Variants in AFF4 observed in about 807,000 individuals in gnomAD.
AFF4 encodes ALF transcription elongation factor 4.
Under a neutral mutation model 124.8 loss-of-function variants are expected in AFF4, and 13 were observed. The observed-to-expected ratio is 0.10, with a 90% CI of 0.07 to 0.17. The LOEUF is 0.17. Among genes scored for constraint, AFF4 ranks in the 10% least tolerant of loss-of-function variants. The pLI is 1.00. For missense variants in AFF4, 1,092 were observed against 1,403.8 expected (o/e 0.78, Z 3.55); for synonymous variants, 477 against 496.1 (o/e 0.96, Z 0.51).
intron 19 of AFF4, among the ~76,000 whole-genome samples, chr5:132,884,815 A>G (rs1760074204): frequency 1.3e-5 from 2 of 152,194 alleles, no homozygotes; most frequent in Non-Finnish European, 2.9e-5. Flanking sequence ...TGGAAATCAA[A>G]CTGTGAAAAG....
chr5:132,956,882 T>C (rs193300722), intron 1 of AFF4, among the ~76,000 whole-genome samples: 1 of 151,170 alleles, frequency 6.6e-6, no homozygotes, highest in African/African-American at 2.4e-5. Context: ...TGGCCGGGCA[T>C]GGTGGCAGGT....
chr5:132,901,746 T>TTA (rs998848134), intron 7 of AFF4, among the ~76,000 whole-genome samples: 1 of 152,224 alleles, frequency 6.6e-6, no homozygotes, highest in African/African-American at 2.4e-5. Flanking sequence ...TTTTATGACT[T>TTA]ATTAAATATA....
At chr5:132,962,804 C>CTT (rs35471619) in intron 1 of AFF4, among the ~76,000 whole-genome samples, 54 of 129,674 alleles carry the variant, frequency 4.2e-4, no homozygotes, top group Admixed American at 1.7e-3. Flanking sequence ...ATTTTTCCTT[C>CTT]TTTTTTTTTT....
chr5:132,938,269 CT>C (rs780241930), intron 1 of AFF4, among the ~76,000 whole-genome samples: 387 of 143,204 alleles, frequency 2.7e-3, no homozygotes, highest in Middle Eastern at 3.6e-3. Context: ...GTATTATACT[CT>C]TTTTTTTTTT....
chr5:132,899,548 CTATAT>C (rs1561486399), intron 8 of AFF4, 34 bp downstream of exon 8: 3 of 1,519,640 alleles, frequency 2.0e-6, no homozygotes, highest in Non-Finnish European at 2.7e-6. Context: ...AATGAAAATA[CTATAT>C]GAGACTGGCA....
At chr5:132,887,806 T>C in intron 16 of AFF4, 40 bp downstream of exon 16, 1 of 1,607,532 alleles carries the variant, frequency 6.2e-7, no homozygotes, top group Non-Finnish European at 8.5e-7. Context: ...ACCAGAGAAA[T>C]AATGTTATTG....
chr5:132,953,958 C>T (rs1363362321), intron 1 of AFF4, among the ~76,000 whole-genome samples: 2 of 152,136 alleles, frequency 1.3e-5, no homozygotes, highest in Non-Finnish European at 2.9e-5. Flanking sequence ...ATAAGCTTTC[C>T]GTTTACTTTA....
intron 18 of AFF4, 114 bp from the exon 19 acceptor site, chr5:132,885,233 T>A: frequency 1.5e-6 from 1 of 671,098 alleles, no homozygotes; most frequent in Non-Finnish European, 2.4e-6. Context: ...CTGTAAATAT[T>A]TAAGACACCA....
intron 5 of AFF4, among the ~76,000 whole-genome samples, chr5:132,914,970 C>CT (rs1760874472): frequency 6.6e-6 from 1 of 152,256 alleles, no homozygotes; most frequent in East Asian, 1.9e-4. Context: ...CTAAAGAAGT[C>CT]TAATTTTTGC....
intron 5 of AFF4, among the ~76,000 whole-genome samples, chr5:132,916,708 C>CAGCAA (rs1355165122): frequency 1.3e-5 from 2 of 152,090 alleles, no homozygotes; most frequent in African/African-American, 4.8e-5. Flanking sequence ...CTGTTATTGA[C>CAGCAA]TTGCTGTGTG....
At chr5:132,921,273 CT>C (rs1761038215) in intron 5 of AFF4, among the ~76,000 whole-genome samples, 1 of 152,108 alleles carries the variant, frequency 6.6e-6, no homozygotes. Context: ...TCAAGATACT[CT>C]GTCTCTAGAG....
At position 132,963,537 on chromosome 5, in the gene AFF4, C is replaced by G. The variant is rs897525457; in HGVS notation, c.-283G>C. 1.5e-5 allele frequency: 6 copies of G among 397,984 alleles called. No individual in the cohort carries two copies. The highest frequency in any genetic ancestry group is 1.0e-4 in the African/African-American group (5 of 48,562). The allele number at this position is 397,984 out of a possible 1,614,324, so 24.7% of individuals were successfully genotyped here. A position where few individuals can be genotyped will look rare whatever the true frequency, so the allele number is the denominator to read the frequency against. On this transcript the variant is annotated 5_prime_UTR_variant, in exon 1 of 21. Coordinates refer to ENST00000265343, the MANE Select transcript of AFF4 (RefSeq NM_014423.4). Reference sequence around the variant, plus strand: ...GGGCTGGGACAGCTGACTGAGGCGGCGGGGGCGGGTTAACGAAGACCTGGC... The same window carrying G: ...GGGCTGGGACAGCTGACTGAGGCGGGGGGGGCGGGTTAACGAAGACCTGGC...
intron 6 of AFF4, among the ~76,000 whole-genome samples, chr5:132,903,384 T>TC (rs1451450767): frequency 6.6e-6 from 1 of 152,190 alleles, no homozygotes; most frequent in Non-Finnish European, 1.5e-5. Context: ...ATCAAAAAGT[T>TC]CCACATTTTC....
chr5:132,933,112 T>A (rs1761337765), intron 3 of AFF4, among the ~76,000 whole-genome samples: 1 of 152,170 alleles, frequency 6.6e-6, no homozygotes, highest in Non-Finnish European at 1.5e-5. Flanking sequence ...AAGATAAAAT[T>A]TGGGGCCAGG....
At chr5:132,948,935 TA>T (rs1761764636) in intron 1 of AFF4, among the ~76,000 whole-genome samples, 1 of 152,152 alleles carries the variant, frequency 6.6e-6, no homozygotes, top group Non-Finnish European at 1.5e-5. Flanking sequence ...TGTGTGTACT[TA>T]ACCTAAACTG....
rs1761381810 is a variant in AFF4, at chr5:132,934,610, T to C, written c.455A>G (p.Asp152Gly). ...SGTNSSGQRH[D>G]RESYNNSGSS... ...CCCACTATTGTTATATGACTCACGG[T>C]CGTGCCTCTGACCACTACTGTTAGT... Residue 152 changes from aspartate (D) to glycine (G), a missense_variant, in exon 3 of 21, where the codon GAC becomes GGC. Physicochemically the swap from Asp to Gly is moderately conservative, Grantham distance 94. This residue lies in a region of AFF4 where 188 missense variants were observed against 203.0 expected (regional missense o/e 0.93). Coordinates refer to ENST00000265343, the MANE Select transcript of AFF4 (RefSeq NM_014423.4). The C allele has an allele frequency of 3.1e-6, 5 of 1,614,150 alleles. No homozygotes were observed. The highest frequency in any genetic ancestry group is 1.7e-5 in the Admixed American group (1 of 60,016).
At chr5:132,896,015 T>G (rs886148089) in intron 11 of AFF4, among the ~76,000 whole-genome samples, 3 of 152,220 alleles carry the variant, frequency 2.0e-5, no homozygotes, top group Non-Finnish European at 4.4e-5. Flanking sequence ...AACCAAAATG[T>G]TGAGAATGTT....
intron 5 of AFF4, among the ~76,000 whole-genome samples, chr5:132,915,621 G>A (rs1760892250): frequency 7.0e-6 from 1 of 141,964 alleles, no homozygotes; most frequent in Non-Finnish European, 1.5e-5. Flanking sequence ...AGGCTGGAGT[G>A]CAGTGGTACG....
intron 1 of AFF4, among the ~76,000 whole-genome samples, chr5:132,944,636 G>A (rs1031732127): frequency 4.0e-5 from 6 of 151,532 alleles, no homozygotes; most frequent in Admixed American, 6.6e-5. Flanking sequence ...GACAGAGTGA[G>A]ACTCTCTCTC....
Sources: allele counts gnomAD v4.1 joint callset (sites outside exome capture counted in the v4.1 genomes callset), GRCh38; gene constraint gnomAD v4.1.1; regional missense constraint gnomAD v4.1.1; transcripts MANE v1.5; gene names NCBI Gene and HGNC (gene_info 2026-07-23, HGNC 2026-07-21).